ST6GALNAC3: variants seen among roughly 807,000 people sequenced by gnomAD.
ST6GALNAC3 encodes ST6 N-acetylgalactosaminide alpha-2,6-sialyltransferase 3, also known as alpha-N-acetylgalactosaminide alpha-2,6-sialyltransferase 3.
A neutral mutation model predicts 32.7 loss-of-function variants in ST6GALNAC3; 25 were observed. The observed-to-expected ratio is 0.76, with a 90% CI of 0.56 to 1.07. The LOEUF is 1.07. Among genes scored for constraint, ST6GALNAC3 ranks in the 50% least tolerant of loss-of-function variants. ST6GALNAC3 has a pLI of 0.00. For synonymous variants in ST6GALNAC3, 129 were observed against 133.1 expected (o/e 0.97, Z 0.21); for missense variants, 355 against 382.4 (o/e 0.93, Z 0.60).
intron 3 of ST6GALNAC3, among the ~76,000 whole-genome samples, chr1:76,498,398 T>A (rs1400271221): frequency 6.6e-6 from 1 of 152,174 alleles, no homozygotes; most frequent in Non-Finnish European, 1.5e-5. Context: ...CTACTACTGA[T>A]GAGACAAATG....
At chr1:76,208,891 A>G (rs781041365) in intron 1 of ST6GALNAC3, among the ~76,000 whole-genome samples, 30 of 152,300 alleles carry the variant, frequency 2.0e-4, no homozygotes, top group Middle Eastern at 3.4e-3. Flanking sequence ...TAAAGATTTT[A>G]TAAGGTCTCT....
intron 3 of ST6GALNAC3, among the ~76,000 whole-genome samples, chr1:76,484,891 A>G (rs1362964936): frequency 6.6e-6 from 1 of 152,122 alleles, no homozygotes; most frequent in African/African-American, 2.4e-5. Context: ...TTTGAGATAC[A>G]TCCCATCAAT....
intron 1 of ST6GALNAC3, among the ~76,000 whole-genome samples, chr1:76,120,295 C>T (rs565683685): frequency 6.8e-4 from 103 of 152,250 alleles, no homozygotes; most frequent in Middle Eastern, 3.4e-3. Context: ...AGAGTGATCT[C>T]GTGTTTCCTT....
chr1:76,456,435 C>T (rs1300578815), intron 3 of ST6GALNAC3, among the ~76,000 whole-genome samples: 1 of 152,030 alleles, frequency 6.6e-6, no homozygotes, highest in Non-Finnish European at 1.5e-5. Context: ...TGGCCTCCGC[C>T]TCCTGGGTTC....
chr1:76,399,556 G>A lies in ST6GALNAC3; in HGVS notation c.214-12452G>A, dbSNP rs139093773. On this transcript the variant is annotated intron_variant, in intron 2 of 4. Coordinates refer to ENST00000328299, the MANE Select transcript of ST6GALNAC3 (RefSeq NM_152996.4). ...TTCATCAAGGGCATTAGCTTTCTTG[G>A]CCCTTTGCATCTCTATAAAAATGTT... Among the ~76,000 whole-genome samples the A allele has an allele frequency of 1.8e-3, 280 of 152,180 alleles. 1 individual carries two copies. The highest frequency in any genetic ancestry group is 6.8e-3 in the Middle Eastern group (2 of 294).
chr1:76,416,751 CT>C (rs1281039942), intron 3 of ST6GALNAC3, among the ~76,000 whole-genome samples: 2 of 151,536 alleles, frequency 1.3e-5, no homozygotes, highest in African/African-American at 4.8e-5. Flanking sequence ...CCTCAGCCTC[CT>C]GAGTAGCTGG....
intron 2 of ST6GALNAC3, among the ~76,000 whole-genome samples, chr1:76,367,372 G>A (rs759372570): frequency 4.2e-4 from 64 of 152,090 alleles, no homozygotes; most frequent in East Asian, 7.7e-4. Flanking sequence ...AAACAATACC[G>A]TGTGGTAAGC....
At chr1:76,392,658 G>A (rs879208728) in intron 2 of ST6GALNAC3, among the ~76,000 whole-genome samples, 1 of 152,108 alleles carries the variant, frequency 6.6e-6, no homozygotes, top group African/African-American at 2.4e-5. Flanking sequence ...TAAATTAGAG[G>A]TTAGACTTCC....
At chr1:76,111,853 C>G (rs1314295000) in intron 1 of ST6GALNAC3, among the ~76,000 whole-genome samples, 7 of 151,968 alleles carry the variant, frequency 4.6e-5, no homozygotes, top group African/African-American at 7.3e-5. Context: ...TACACAGACA[C>G]GGCAACCATC....
At chr1:76,090,628 C>T (rs1028411353) in intron 1 of ST6GALNAC3, among the ~76,000 whole-genome samples, 4 of 152,222 alleles carry the variant, frequency 2.6e-5, no homozygotes, top group Admixed American at 6.5e-5. Context: ...CATGACTCCA[C>T]AGGCCTACAG....
At chr1:76,342,121 T>G (rs1211051538) in intron 2 of ST6GALNAC3, among the ~76,000 whole-genome samples, 2 of 152,206 alleles carry the variant, frequency 1.3e-5, no homozygotes, top group African/African-American at 4.8e-5. Flanking sequence ...GATGAGCGTT[T>G]GGGTTGGTTC....
chr1:76,550,849 G>A (rs374130109), intron 3 of ST6GALNAC3, among the ~76,000 whole-genome samples: 4 of 152,020 alleles, frequency 2.6e-5, no homozygotes, highest in East Asian at 1.9e-4. Context: ...TCTGCCTCCC[G>A]GGTTCAAGCG....
chr1:76,302,343 T>G (rs955489732), intron 1 of ST6GALNAC3, among the ~76,000 whole-genome samples: 5 of 152,126 alleles, frequency 3.3e-5, no homozygotes, highest in East Asian at 1.9e-4. Context: ...GAAACCTGCA[T>G]GAGTATCTGC....
chr1:76,219,330 C>T (rs759358946), intron 1 of ST6GALNAC3, among the ~76,000 whole-genome samples: 12 of 152,162 alleles, frequency 7.9e-5, no homozygotes, highest in Non-Finnish European at 1.6e-4. Context: ...AAGTTTATAA[C>T]TATATTCTTT....
chr1:76,354,839 C>T (rs1325928066), intron 2 of ST6GALNAC3, among the ~76,000 whole-genome samples: 1 of 152,110 alleles, frequency 6.6e-6, no homozygotes, highest in Non-Finnish European at 1.5e-5. Flanking sequence ...CATTCCGAGG[C>T]TTTTCTTTTC....
intron 1 of ST6GALNAC3, among the ~76,000 whole-genome samples, chr1:76,082,953 T>C (rs998872668): frequency 2.0e-5 from 3 of 152,150 alleles, no homozygotes; most frequent in African/African-American, 7.2e-5. Flanking sequence ...TTCAATCTTA[T>C]CTTAATATTT....
chr1:76,222,020 T>G (rs979159984), intron 1 of ST6GALNAC3, among the ~76,000 whole-genome samples: 2 of 152,318 alleles, frequency 1.3e-5, no homozygotes, highest in East Asian at 3.9e-4. Context: ...GGTCATCCTC[T>G]TGAACAAGAG....
intron 3 of ST6GALNAC3, among the ~76,000 whole-genome samples, chr1:76,618,403 A>G (rs543330556): frequency 1.3e-5 from 2 of 152,232 alleles, no homozygotes; most frequent in South Asian, 4.1e-4. Flanking sequence ...TCTGTGTAAT[A>G]TGGATATTAG....
At chr1:76,296,671 C>G (rs1660424188) in intron 1 of ST6GALNAC3, among the ~76,000 whole-genome samples, 1 of 152,026 alleles carries the variant, frequency 6.6e-6, no homozygotes, top group African/African-American at 2.4e-5. Flanking sequence ...GTGTTGAGTG[C>G]CACCTGTATA....
Sources: allele counts gnomAD v4.1 joint callset (sites outside exome capture counted in the v4.1 genomes callset), GRCh38; gene constraint gnomAD v4.1.1; transcripts MANE v1.5; gene names NCBI Gene and HGNC (gene_info 2026-07-23, HGNC 2026-07-21).